MMP26: variants seen among roughly 807,000 people sequenced by gnomAD.
MMP26 encodes the protein matrix metalloproteinase-26.
A neutral mutation model predicts 31.0 loss-of-function variants in MMP26; 33 were observed. The ratio of observed to expected loss-of-function variants is 1.06; its 90% confidence interval spans 0.81 to 1.42. MMP26 has a LOEUF of 1.42. Ranked by LOEUF, MMP26 falls within the 40% of genes most tolerant of loss-of-function variation. MMP26 has a pLI of 0.00. For missense variants in MMP26, 347 were observed against 316.1 expected (o/e 1.10, Z -0.74); for synonymous variants, 122 against 114.9 (o/e 1.06, Z -0.40).
chr11:4,870,162 G>A (rs1287705310), intron 2 of MMP26, among the ~76,000 whole-genome samples: 14 of 151,996 alleles, frequency 9.2e-5, no homozygotes, highest in Non-Finnish European at 2.9e-5. Context: ...CATGGCACAT[G>A]TATACATATG....
chr11:4,942,079 G>A (rs1391066225), intron 2 of MMP26, among the ~76,000 whole-genome samples: 2 of 20,492 alleles, frequency 9.8e-5, no homozygotes, highest in Non-Finnish European at 2.1e-4. Context: ...AGCAGAATGA[G>A]AGTCCATCTC....
At chr11:4,709,475 T>G in intron 1 of MMP26, 1 of 355,938 alleles carries the variant, frequency 2.8e-6, no homozygotes, top group Non-Finnish European at 5.5e-6. Flanking sequence ...GATCACAAAT[T>G]GTATGGTGTA....
chr11:4,759,949 G>C (rs981427599), intron 1 of MMP26, among the ~76,000 whole-genome samples: 1 of 152,152 alleles, frequency 6.6e-6, no homozygotes, highest in Non-Finnish European at 1.5e-5. Context: ...AATTTCTATT[G>C]CTAAAATTCA....
chr11:4,824,815 C>T (rs551833791), intron 2 of MMP26, among the ~76,000 whole-genome samples: 14 of 152,016 alleles, frequency 9.2e-5, no homozygotes, highest in Non-Finnish European at 1.9e-4. Flanking sequence ...TATAATATTG[C>T]ACCTCTAATC....
At chr11:4,769,614 G>A (rs755504175) in intron 2 of MMP26, 2 of 1,611,672 alleles carry the variant, frequency 1.2e-6, no homozygotes, top group African/African-American at 2.7e-5. Context: ...AAAAACATCT[G>A]GACAATGCAG....
At chr11:4,867,021 GA>G (rs1376763580) in intron 2 of MMP26, among the ~76,000 whole-genome samples, 6 of 152,032 alleles carry the variant, frequency 3.9e-5, no homozygotes, top group Non-Finnish European at 5.9e-5. Flanking sequence ...TCATAGGCAT[GA>G]GGAACGATTT....
chr11:4,925,565 G>A (rs555776286), intron 2 of MMP26, among the ~76,000 whole-genome samples: 52 of 152,182 alleles, frequency 3.4e-4, no homozygotes, highest in Non-Finnish European at 3.4e-4. Flanking sequence ...TGAGTTACAG[G>A]TATGCACCGT....
chr11:4,989,829 C>G lies in MMP26; in HGVS notation c.281C>G (p.Pro94Arg), dbSNP rs1024981762. ...GATGGGTCCGACACCTCCATCTCGCCAGGAAGATGCAAGTGGAATAAGCAC... is the reference window on the plus strand; with the variant it reads ...GATGGGTCCGACACCTCCATCTCGCGAGGAAGATGCAAGTGGAATAAGCAC... Reference protein sequence around the residue: ...VPDGSDTSISPGRCKWNKHTL... With the variant: ...VPDGSDTSISRGRCKWNKHTL... Residue 94 changes from proline (P) to arginine (R), a missense_variant, in exon 4 of 8, where the codon CCA becomes CGA. Coordinates refer to ENST00000380390, the MANE Select transcript of MMP26 (RefSeq NM_021801.5). The G allele has an allele frequency of 1.9e-6, 3 of 1,612,028 alleles. No homozygotes were observed. The highest frequency in any genetic ancestry group is 2.5e-6 in the Non-Finnish European group (3 of 1,180,004).
intron 1 of MMP26, among the ~76,000 whole-genome samples, chr11:4,753,679 C>A (rs961512017): frequency 6.6e-6 from 1 of 152,016 alleles, no homozygotes; most frequent in African/African-American, 2.4e-5. Context: ...AACTTAGATA[C>A]CAAATTTCAT....
intron 2 of MMP26, chr11:4,787,422 AATCCACTCTGTACTAAAC>A: frequency 6.6e-6 from 1 of 152,192 alleles, no homozygotes; most frequent in African/African-American, 2.4e-5. Context: ...ACATCCTGAT[AATCCACTCTGTACTAAAC>A]ATCATCTCTT....
intron 2 of MMP26, among the ~76,000 whole-genome samples, chr11:4,844,206 A>G (rs950673231): frequency 2.6e-5 from 4 of 152,164 alleles, no homozygotes; most frequent in South Asian, 4.1e-4. Context: ...ACACCCTACC[A>G]AGATTGAACC....
At chr11:4,775,778 G>C (rs1418879295) in intron 2 of MMP26, among the ~76,000 whole-genome samples, 1 of 152,070 alleles carries the variant, frequency 6.6e-6, no homozygotes, top group Non-Finnish European at 1.5e-5. Flanking sequence ...GAGAAAGAGA[G>C]AGAGAGAGAA....
chr11:4,958,849 C>T (rs948514321), intron 2 of MMP26, among the ~76,000 whole-genome samples: 1 of 152,132 alleles, frequency 6.6e-6, no homozygotes, highest in Middle Eastern at 3.2e-3. Context: ...TAGTAATAAA[C>T]ATACCCACAA....
chr11:4,888,445 T>C (rs1287666312), intron 2 of MMP26, among the ~76,000 whole-genome samples: 1 of 152,162 alleles, frequency 6.6e-6, no homozygotes, highest in Non-Finnish European at 1.5e-5. Context: ...CACTAGATAG[T>C]AATTTAAAAT....
rs1318564449 is a variant in MMP26 at position 4,704,971 on chromosome 11, T to C, written c.-291T>C. The C allele has an allele frequency of 6.6e-6, 1 of 152,216 alleles. No homozygotes were observed. Among genetic ancestry groups the C allele is most frequent in the Non-Finnish European group, 1.5e-5 (1 of 68,068 alleles). The allele number at this position is 152,216 out of a possible 1,614,324, so 9.4% of individuals were successfully genotyped here. A position where few individuals can be genotyped will look rare whatever the true frequency, so the allele number is the denominator to read the frequency against. On this transcript the variant is annotated 5_prime_UTR_variant, in exon 1 of 8. Transcript: ENST00000380390. ...TTGCATTAATAGATTCTCTGCTGTG[T>C]GGGATGATCCTTCAAATAGCAGGGG...
intron 2 of MMP26, among the ~76,000 whole-genome samples, chr11:4,881,000 T>C (rs948022510): frequency 6.6e-6 from 1 of 152,146 alleles, no homozygotes; most frequent in Non-Finnish European, 1.5e-5. Flanking sequence ...GTCTTCTGTA[T>C]ATGAATGGGC....
At chr11:4,927,659 G>T (rs570418492) in intron 2 of MMP26, among the ~76,000 whole-genome samples, 1 of 152,076 alleles carries the variant, frequency 6.6e-6, no homozygotes, top group Non-Finnish European at 1.5e-5. Flanking sequence ...AGAGAAAAGG[G>T]CTTGGAGGAC....
intron 2 of MMP26, among the ~76,000 whole-genome samples, chr11:4,828,489 A>G (rs1335763816): frequency 6.6e-6 from 1 of 152,204 alleles, no homozygotes; most frequent in Non-Finnish European, 1.5e-5. Context: ...GGCAATAGAT[A>G]TGCTGTTTGT....
chr11:4,826,762 G>A (rs1050010203), intron 2 of MMP26, among the ~76,000 whole-genome samples: 2 of 152,072 alleles, frequency 1.3e-5, no homozygotes, highest in Non-Finnish European at 2.9e-5. Flanking sequence ...CAGGTAAAAA[G>A]GAATTTGGAG....
Sources: gnomAD v4.1 joint callset for allele counts (sites outside exome capture counted in the v4.1 genomes callset) on GRCh38, gnomAD v4.1.1 for gene constraint, MANE v1.5 for transcripts, NCBI Gene and HGNC (gene_info 2026-07-23, HGNC 2026-07-21) for gene names.